Variants in GPHN observed in about 807,000 individuals in gnomAD.
The protein encoded by GPHN is gephyrin.
In GPHN, 17 loss-of-function variants were observed where a neutral mutation model predicts 95.5. The observed-to-expected ratio is 0.18, with a 90% confidence interval of 0.12 to 0.27. The LOEUF (loss-of-function observed/expected upper bound fraction) is 0.27, where lower values mean the gene tolerates loss of function less well. Ranked by LOEUF, GPHN falls within the 10% of genes least tolerant of loss-of-function variation. GPHN has a pLI of 1.00. For missense variants in GPHN, 660 were observed against 978.1 expected (o/e 0.67, Z 4.34); for synonymous variants, 320 against 322.5 (o/e 0.99, Z 0.08).
chr14:66,794,766 T>G (rs1408925550), intron 3 of GPHN, among the ~76,000 whole-genome samples: 3 of 152,202 alleles, frequency 2.0e-5, no homozygotes, highest in Non-Finnish European at 4.4e-5. Context: ...GTCTATAACA[T>G]TTGGCAATGG....
the GPHN span, among the ~76,000 whole-genome samples, chr14:67,632,808 ATTTTTTTTTTT>A: frequency 1.1e-3 from 70 of 62,416 alleles, no homozygotes; most frequent in African/African-American, 4.2e-3. Flanking sequence ...AAGCCTCTTA[ATTTTTTTTTTT>A]TTTTTTTTTT....
At chr14:67,341,868 T>A in the GPHN span, among the ~76,000 whole-genome samples, 1 of 152,212 alleles carries the variant, frequency 6.6e-6, no homozygotes, top group Non-Finnish European at 1.5e-5. Context: ...TGGGATCCTG[T>A]TGATCTATGA....
chr14:66,774,500 C>T (rs574074513), intron 2 of GPHN, among the ~76,000 whole-genome samples: 5 of 152,248 alleles, frequency 3.3e-5, no homozygotes, highest in South Asian at 4.1e-4. Flanking sequence ...TTAAACTTGT[C>T]GTGCTTCTCA....
the GPHN span, among the ~76,000 whole-genome samples, chr14:67,238,175 C>G: frequency 6.6e-6 from 1 of 152,042 alleles, no homozygotes; most frequent in East Asian, 1.9e-4. Flanking sequence ...TGCATATATA[C>G]CAGTAATTTG....
At chr14:67,276,493 A>G in the GPHN span, among the ~76,000 whole-genome samples, 1 of 152,196 alleles carries the variant, frequency 6.6e-6, no homozygotes, top group Non-Finnish European at 1.5e-5. Flanking sequence ...ACCAAGTTTT[A>G]TAGTTCATTG....
intron 4 of GPHN, among the ~76,000 whole-genome samples, chr14:66,871,951 A>T (rs1435227138): frequency 6.6e-6 from 1 of 152,170 alleles, no homozygotes; most frequent in African/African-American, 2.4e-5. Context: ...TTAAAAAAAA[A>T]TTTAAATACG....
intron 8 of GPHN, among the ~76,000 whole-genome samples, chr14:66,935,064 C>T (rs2067039046): frequency 6.6e-6 from 1 of 152,110 alleles, no homozygotes; most frequent in South Asian, 2.1e-4. Context: ...ATAAATCCTG[C>T]TCCTCTGTAT....
the GPHN span, among the ~76,000 whole-genome samples, chr14:67,708,972 T>C: frequency 6.6e-6 from 1 of 152,120 alleles, no homozygotes; most frequent in Non-Finnish European, 1.5e-5. Context: ...TTTGTATTTT[T>C]AGTAAAGATG....
At position 66,626,039 on chromosome 14, in the gene GPHN, T is replaced by C. The variant is rs529731095; in HGVS notation, c.65-55068T>C. Among the ~76,000 whole-genome samples the C allele has an allele frequency of 3.3e-5, 5 of 152,314 alleles. No homozygotes were observed. The South Asian group carries it at 6.2e-4, about 19-fold the overall frequency. ...AAAAACTTTTAACTTCCTACCTGAA[T>C]GGTGTAAACTTGTCTGGCAGTGTTA... On this transcript the variant is annotated intron_variant, in intron 1 of 22. Transcript: ENST00000478722.
intron 2 of GPHN, among the ~76,000 whole-genome samples, chr14:66,685,207 CAT>C (rs1302518015): frequency 2.0e-5 from 3 of 152,166 alleles, no homozygotes; most frequent in African/African-American, 2.4e-5. Context: ...CCGCAATAAA[CAT>C]ATGTGTGCCA....
the GPHN span, chr14:67,621,065 G>A: frequency 8.5e-7 from 1 of 1,176,974 alleles, no homozygotes; most frequent in Non-Finnish European, 1.3e-6. Context: ...TTGTGTTTGG[G>A]AACAGTCTGC....
chr14:67,107,607 G>A (rs1195352038), intron 13 of GPHN, among the ~76,000 whole-genome samples: 1 of 152,170 alleles, frequency 6.6e-6, no homozygotes, highest in African/African-American at 2.4e-5. Flanking sequence ...AGCAGCTCGG[G>A]TCACAGTGGA....
At chr14:66,958,261 C>T (rs111592793) in intron 8 of GPHN, among the ~76,000 whole-genome samples, 2,304 of 152,104 alleles carry the variant, frequency 0.015, 33 homozygotes, top group Non-Finnish European at 0.018. Flanking sequence ...ACAGTTTTGG[C>T]TTCAAAGTTG....
At chr14:67,103,260 T>C (rs887715107) in intron 13 of GPHN, among the ~76,000 whole-genome samples, 3 of 152,162 alleles carry the variant, frequency 2.0e-5, no homozygotes, top group Non-Finnish European at 1.5e-5. Context: ...TCAGTTACTA[T>C]AGCTTTGTAG....
In GPHN at chr14:66,585,587, T is replaced by C. The variant is rs564425950; in HGVS notation, c.64+76996T>C. Among the ~76,000 whole-genome samples, 3 of 152,320 alleles carry C rather than the reference T, an allele frequency of 2.0e-5. No individual in the cohort carries two copies. In the East Asian group the frequency reaches 5.8e-4, roughly 29 times the overall value. On this transcript the variant is annotated intron_variant, in intron 1 of 22. Transcript: ENST00000478722. ...GTGTCCCAGAGATTCTGGTATGTTT[T>C]GTCTTTGTTCTCGTTGGTTTCAAAG...
chr14:67,001,742 A>T (rs1325198767), intron 9 of GPHN, among the ~76,000 whole-genome samples: 1 of 151,784 alleles, frequency 6.6e-6, no homozygotes, highest in African/African-American at 2.4e-5. Flanking sequence ...AAATAATGAA[A>T]ATGGCAGCTT....
the GPHN span, among the ~76,000 whole-genome samples, chr14:67,389,751 AT>A: frequency 6.6e-6 from 1 of 151,856 alleles, no homozygotes; most frequent in Non-Finnish European, 1.5e-5. Context: ...TGAGAGTTAA[AT>A]ACAAAACTAA....
intron 9 of GPHN, among the ~76,000 whole-genome samples, chr14:67,022,639 A>AT (rs1209599742): frequency 1.3e-5 from 1 of 78,892 alleles, no homozygotes; most frequent in Non-Finnish European, 2.4e-5. Context: ...TGACTTTTTT[A>AT]TTGCCGTTTT....
At chr14:67,328,502 T>G in the GPHN span, among the ~76,000 whole-genome samples, 1 of 152,230 alleles carries the variant, frequency 6.6e-6, no homozygotes, top group Non-Finnish European at 1.5e-5. Flanking sequence ...TTTGTCAATT[T>G]TGAGTTTTGT....
Sources: gnomAD v4.1 joint callset for allele counts (sites outside exome capture counted in the v4.1 genomes callset) on GRCh38, gnomAD v4.1.1 for gene constraint, MANE v1.5 for transcripts, NCBI Gene and HGNC (gene_info 2026-07-23, HGNC 2026-07-21) for gene names.